The following ATP13A4 variants were observed in gnomAD, a reference collection of about 807,000 sequenced individuals.
The protein encoded by ATP13A4 is ATPase 13A4.
A neutral mutation model predicts 142.5 loss-of-function variants in ATP13A4; 114 were observed. That is an observed-to-expected ratio of 0.80 (90% CI 0.69 to 0.93). The LOEUF is 0.93. Among genes scored for constraint, ATP13A4 ranks in the 40% least tolerant of loss-of-function variants. ATP13A4 has a pLI of 0.00. For synonymous variants in ATP13A4, 488 were observed against 514.8 expected, an observed-to-expected ratio of 0.95 and a Z score of 0.70; for missense variants, 1,392 against 1,454.0, an observed-to-expected ratio of 0.96 and a Z score of 0.69.
intron 18 of ATP13A4, 143 bp downstream of exon 18, chr3:193,448,063 A>C: frequency 9.6e-7 from 1 of 1,045,136 alleles, no homozygotes; most frequent in Non-Finnish European, 1.4e-6. Context: ...AAAGCAGTAA[A>C]TGTGCCTTTT....
At chr3:193,508,490 T>G (rs528802053) in intron 2 of ATP13A4, among the ~76,000 whole-genome samples, 1 of 152,248 alleles carries the variant, frequency 6.6e-6, no homozygotes, top group Non-Finnish European at 1.5e-5. Context: ...TGCCTCCATC[T>G]GTAAAACTGG....
At chr3:193,563,589 T>C (rs558423752) in intron 2 of ATP13A4, among the ~76,000 whole-genome samples, 1 of 152,288 alleles carries the variant, frequency 6.6e-6, no homozygotes, top group Non-Finnish European at 1.5e-5. Context: ...GCTTGCAAGG[T>C]CAAGGCTGCA....
Position 193,514,764 on chromosome 3 carries a change from C to A in ATP13A4, c.168G>T (p.Trp56Cys). The change falls in exon 2 of 30, where the codon TGG (tryptophan) becomes TGT (cysteine). Residue 56 changes from tryptophan (W) to cysteine (C), a missense_variant. By Grantham distance (215) the Trp-to-Cys change is radical (BLOSUM62 -2). Transcript: ENST00000342695. ...LPLVFYWRPA[W>C]HVWAHCVPCS... is the part of the protein sequence containing the mutation. ...ATGGGACACAATGTGCCCATACGTG[C>A]CATGCTGGTCTCCAGTAAAACACCA... 1.2e-6 allele frequency: 2 copies of A among 1,614,182 alleles called. No homozygotes were observed. Among genetic ancestry groups the A allele is most frequent in the African/African-American group, 2.7e-5 (2 of 75,042 alleles).
intron 24 of ATP13A4, among the ~76,000 whole-genome samples, chr3:193,435,322 G>C (rs970864021): frequency 6.6e-6 from 1 of 152,032 alleles, no homozygotes; most frequent in African/African-American, 2.4e-5. Flanking sequence ...TCTTTAGTGA[G>C]TGGTAGACTA....
chr3:193,487,915 T>G (rs1202922142), intron 7 of ATP13A4, among the ~76,000 whole-genome samples: 1 of 151,704 alleles, frequency 6.6e-6, no homozygotes, highest in Non-Finnish European at 1.5e-5. Flanking sequence ...ACGGTACATC[T>G]AGAGAAAATG....
chr3:193,419,544 A>G (rs1715300993), intron 25 of ATP13A4, among the ~76,000 whole-genome samples: 1 of 132,092 alleles, frequency 7.6e-6, no homozygotes, highest in African/African-American at 2.6e-5. Flanking sequence ...AAGAGCAGTC[A>G]TACCTCACTT....
chr3:193,470,762 C>T, intron 9 of ATP13A4, 97 bp downstream of exon 9: 1 of 1,569,326 alleles, frequency 6.4e-7, no homozygotes, highest in Non-Finnish European at 8.7e-7. Flanking sequence ...TACAGCCAGC[C>T]ACTGTCATTC....
intron 23 of ATP13A4, among the ~76,000 whole-genome samples, chr3:193,437,284 T>A (rs550732117): frequency 1.3e-5 from 2 of 151,632 alleles, no homozygotes; most frequent in Admixed American, 1.3e-4. Flanking sequence ...AAGCAGCTGC[T>A]TCCACCTATA....
intron 25 of ATP13A4, among the ~76,000 whole-genome samples, chr3:193,430,109 T>C (rs1269939986): frequency 1.3e-5 from 2 of 152,076 alleles, no homozygotes; most frequent in Non-Finnish European, 2.9e-5. Flanking sequence ...AAATAAAAGC[T>C]GCTTCCAAAT....
intron 22 of ATP13A4, 64 bp downstream of exon 22, chr3:193,438,959 A>G: frequency 6.7e-7 from 1 of 1,485,168 alleles, no homozygotes; most frequent in Non-Finnish European, 9.4e-7. Flanking sequence ...ACTGGCAGCT[A>G]CTCTAAAGGG....
chr3:193,560,705 A>G (rs1723995730), intron 2 of ATP13A4, among the ~76,000 whole-genome samples: 1 of 152,340 alleles, frequency 6.6e-6, no homozygotes, highest in African/African-American at 2.4e-5. Context: ...GGCTTAGGAC[A>G]TAGCATTGGG....
chr3:193,528,780 C>A (rs1000193161), intron 1 of ATP13A4, among the ~76,000 whole-genome samples: 5 of 152,074 alleles, frequency 3.3e-5, no homozygotes, highest in African/African-American at 1.2e-4. Context: ...CCAGAGATCA[C>A]CACAATTAAC....
intron 25 of ATP13A4, among the ~76,000 whole-genome samples, chr3:193,426,248 A>T (rs1449433996): frequency 6.6e-6 from 1 of 151,802 alleles, no homozygotes; most frequent in African/African-American, 2.4e-5. Context: ...AGACAAACTT[A>T]AAAAAATTCT....
chr3:193,410,176 T>C (rs918512364), intron 28 of ATP13A4, among the ~76,000 whole-genome samples: 3 of 152,106 alleles, frequency 2.0e-5, no homozygotes, highest in Non-Finnish European at 4.4e-5. Context: ...TATTATAAAA[T>C]ATAAGAGAGT....
chr3:193,413,538 T>C (rs953003740), intron 26 of ATP13A4, among the ~76,000 whole-genome samples: 3 of 152,190 alleles, frequency 2.0e-5, no homozygotes, highest in East Asian at 1.9e-4. Flanking sequence ...GAAGAGACCG[T>C]TGAATTCTTT....
exon 2 of ATP13A4, chr3:193,581,842 C>T (rs7653046): frequency 0.43 from 65,325 of 151,898 alleles, 14,283 homozygotes; most frequent in Non-Finnish European, 0.44. Flanking sequence ...ATTTCTCCTG[C>T]TAACATCCCC....
intron 2 of ATP13A4, among the ~76,000 whole-genome samples, chr3:193,567,179 A>T (rs1161772822): frequency 6.6e-6 from 1 of 152,216 alleles, no homozygotes; most frequent in Non-Finnish European, 1.5e-5. Flanking sequence ...ATGATAATTA[A>T]ATATTAAATG....
intron 24 of ATP13A4, among the ~76,000 whole-genome samples, chr3:193,434,731 G>A (rs1243516982): frequency 6.6e-6 from 1 of 152,144 alleles, no homozygotes; most frequent in Non-Finnish European, 1.5e-5. Context: ...CTTGGTGTTG[G>A]TTAATACGGT....
chr3:193,572,491 T>A (rs1438466421), intron 2 of ATP13A4, among the ~76,000 whole-genome samples: 1 of 152,188 alleles, frequency 6.6e-6, no homozygotes, highest in Non-Finnish European at 1.5e-5. Context: ...CGAATTTGGA[T>A]CTAGATGGAT....
Sources: allele counts gnomAD v4.1 joint callset (sites outside exome capture counted in the v4.1 genomes callset), GRCh38; gene constraint gnomAD v4.1.1; transcripts MANE v1.5; gene names NCBI Gene and HGNC (gene_info 2026-07-23, HGNC 2026-07-21).